TRIM5: variants seen among roughly 807,000 people sequenced by gnomAD.
TRIM5 encodes tripartite motif containing 5.
A neutral mutation model predicts 35.6 loss-of-function variants in TRIM5; 31 were observed. The observed-to-expected ratio is 0.87, with a 90% CI of 0.65 to 1.18. The LOEUF (loss-of-function observed/expected upper bound fraction) is 1.18, where lower values mean the gene tolerates loss of function less well. Among genes scored for constraint, TRIM5 ranks in the 50% most tolerant of loss-of-function variants. TRIM5 has a pLI of 0.00. For synonymous variants in TRIM5, 243 were observed against 215.6 expected (o/e 1.13, Z -1.11); for missense variants, 609 against 591.6 (o/e 1.03, Z -0.31).
the TRIM5 span, chr11:5,610,518 T>A: frequency 6.2e-7 from 1 of 1,614,136 alleles, no homozygotes; most frequent in East Asian, 2.2e-5. Flanking sequence ...CATTATTGAC[T>A]CTTTTCATCA....
the TRIM5 span, among the ~76,000 whole-genome samples, chr11:5,657,766 C>A: frequency 1.4e-5 from 2 of 141,828 alleles, 1 homozygote; most frequent in South Asian, 4.3e-4. Flanking sequence ...CAGGCCTGCA[C>A]CACCATGCCC....
chr11:5,679,172 G>T lies in TRIM5; in HGVS notation c.418-3C>A, dbSNP rs1308770845. The T allele has an allele frequency of 6.2e-7, 1 of 1,613,350 alleles. No individual in the cohort carries two copies. The highest frequency in any genetic ancestry group is 8.5e-7 in the Non-Finnish European group (1 of 1,179,516). On this transcript the variant is annotated splice_polypyrimidine_tract_variant and splice_region_variant and intron_variant, in intron 2 of 7. Transcript: ENST00000380034. ...TCCAGAGCTGCCTGGAGCTTCACCT[G>T]TGAGAAAGGAATCACACCATAGTCA...
chr11:5,640,475 T>A, the TRIM5 span, among the ~76,000 whole-genome samples: 4 of 151,466 alleles, frequency 2.6e-5, no homozygotes, highest in African/African-American at 7.4e-5. Context: ...CTTGCATTTC[T>A]GGGATAAATT....
chr11:5,597,916 A>G, the TRIM5 span, among the ~76,000 whole-genome samples: 18 of 118,878 alleles, frequency 1.5e-4, 1 homozygote, highest in South Asian at 4.2e-3. Flanking sequence ...AATCACCTAG[A>G]GAACTTTAAT....
At chr11:5,659,508 T>C (rs1409281207), downstream of TRIM5, among the ~76,000 whole-genome samples, 1 of 152,202 alleles carries the variant, frequency 6.6e-6, no homozygotes, top group East Asian at 1.9e-4. Flanking sequence ...CTAATAATTA[T>C]AGAATTGCAT....
At chr11:5,657,522 TTA>T in the TRIM5 span, among the ~76,000 whole-genome samples, 9 of 133,914 alleles carry the variant, frequency 6.7e-5, no homozygotes, top group African/African-American at 2.6e-4. Context: ...ATATAATGCA[TTA>T]TATATATTAT....
chr11:5,642,896 T>G, the TRIM5 span: 1 of 1,609,162 alleles, frequency 6.2e-7, no homozygotes, highest in South Asian at 1.1e-5. Flanking sequence ...TTTCAGAAGT[T>G]TATGGTTTCA....
the TRIM5 span, chr11:5,610,087 G>T: frequency 6.3e-7 from 1 of 1,579,276 alleles, no homozygotes. Context: ...AAGGGAGATG[G>T]GTGGTGGAGG....
the TRIM5 span, among the ~76,000 whole-genome samples, chr11:5,591,876 G>C: frequency 6.7e-6 from 1 of 149,946 alleles, no homozygotes; most frequent in East Asian, 2.0e-4. Flanking sequence ...GCATGTTCAG[G>C]CTATGTGACC....
chr11:5,610,008 G>A, the TRIM5 span: 1 of 789,388 alleles, frequency 1.3e-6, no homozygotes, highest in East Asian at 2.7e-5. Context: ...CAGTGCCAGG[G>A]CTGTTTGCAG....
Position 5,679,866 on chromosome 11 carries a change from G to A in TRIM5, c.312C>T (p.Leu104=), listed in dbSNP as rs754420967. The A allele has an allele frequency of 1.2e-6, 2 of 1,613,700 alleles. No individual in the cohort carries two copies. The highest frequency in any genetic ancestry group is 1.3e-5 in the African/African-American group (1 of 74,802). Residue 104 remains leucine, a synonymous_variant, in exon 2 of 8, where the codon CTC becomes CTT. Coordinates refer to ENST00000380034, the MANE Select transcript of TRIM5 (RefSeq NM_033034.3). ...TGACCTTCCCGTCCTCCTGACAGAA[G>A]AGTAGAAGTTTCTCTCCATGGCGTG... ...HCARHGEKLL[L]FCQEDGKVIC...
chr11:5,622,186 C>T, the TRIM5 span, among the ~76,000 whole-genome samples: 1 of 152,092 alleles, frequency 6.6e-6, no homozygotes, highest in Non-Finnish European at 1.5e-5. Context: ...TGGCTCACAC[C>T]TGTAATCCCA....
the TRIM5 span, among the ~76,000 whole-genome samples, chr11:5,658,063 T>TA: frequency 6.6e-6 from 1 of 152,114 alleles, no homozygotes; most frequent in Non-Finnish European, 1.5e-5. Context: ...CCCACAGACT[T>TA]AGGTGAGGAC....
the TRIM5 span, chr11:5,641,215 G>C: frequency 1.2e-6 from 2 of 1,613,728 alleles, no homozygotes; most frequent in Non-Finnish European, 1.7e-6. Flanking sequence ...CAGGAGTGGT[G>C]CTTGTGAGTT....
chr11:5,671,578 A>G (rs1342895000), intron 4 of TRIM5, among the ~76,000 whole-genome samples: 1 of 152,118 alleles, frequency 6.6e-6, no homozygotes, highest in Non-Finnish European at 1.5e-5. Flanking sequence ...TCCACAGCAC[A>G]CAAAAAGATC....
chr11:5,669,288 C>T (rs545225762), intron 4 of TRIM5, among the ~76,000 whole-genome samples: 6 of 152,058 alleles, frequency 3.9e-5, no homozygotes, highest in African/African-American at 1.2e-4. Context: ...CCATGTTGGT[C>T]GGGCTGGTCT....
the TRIM5 span, among the ~76,000 whole-genome samples, chr11:5,657,271 T>C: frequency 4.6e-5 from 7 of 151,716 alleles, no homozygotes; most frequent in East Asian, 1.4e-3. Context: ...TGTGAACACA[T>C]GGACACAGGG....
the TRIM5 span, chr11:5,632,265 G>A: frequency 1.9e-6 from 3 of 1,607,252 alleles, no homozygotes; most frequent in Middle Eastern, 1.7e-4. Flanking sequence ...CCATCCAGGG[G>A]TCTTTAACCA....
the TRIM5 span, among the ~76,000 whole-genome samples, chr11:5,618,214 AC>A: frequency 6.6e-6 from 1 of 152,180 alleles, no homozygotes; most frequent in African/African-American, 2.4e-5. Context: ...TACTAAAAAT[AC>A]AAAAATTAGC....
Sources: allele counts gnomAD v4.1 joint callset (sites outside exome capture counted in the v4.1 genomes callset), GRCh38; gene constraint gnomAD v4.1.1; transcripts MANE v1.5; gene names NCBI Gene and HGNC (gene_info 2026-07-23, HGNC 2026-07-21).